The following PARP16 variants were observed in gnomAD, a reference collection of about 807,000 sequenced individuals.
The protein encoded by PARP16 is protein mono-ADP-ribosyltransferase PARP16.
In PARP16, 31 loss-of-function variants were observed where a neutral mutation model predicts 35.0. The ratio of observed to expected loss-of-function variants is 0.88; its 90% CI spans 0.66 to 1.19. The LOEUF (loss-of-function observed/expected upper bound fraction) is 1.19. Ranked by LOEUF, PARP16 falls within the 50% of genes most tolerant of loss-of-function variation. PARP16 has a pLI of 0.00. For missense variants in PARP16, 424 were observed against 411.2 expected, an observed-to-expected ratio of 1.03 and a Z score of -0.27; for synonymous variants, 162 against 169.5, an observed-to-expected ratio of 0.96 and a Z score of 0.34.
intron 2 of PARP16, among the ~76,000 whole-genome samples, chr15:65,269,768 C>T (rs1261752989): frequency 6.6e-6 from 1 of 152,108 alleles, no homozygotes; most frequent in Admixed American, 6.6e-5. Flanking sequence ...GGTCCCAATA[C>T]CCCACAGTTT....
At chr15:65,235,398 C>T (rs1268133903) in intron 3 of PARP16, among the ~76,000 whole-genome samples, 1 of 151,988 alleles carries the variant, frequency 6.6e-6, no homozygotes, top group East Asian at 1.9e-4. Context: ...AACCTAGCCA[C>T]GGATGTCACA....
At chr15:65,265,313 T>A (rs2089854640) in intron 3 of PARP16, among the ~76,000 whole-genome samples, 1 of 152,260 alleles carries the variant, frequency 6.6e-6, no homozygotes, top group Admixed American at 6.5e-5. Context: ...GCCCTTTGCA[T>A]ACATGAACTG....
chr15:65,278,287 G>A (rs1156962692), intron 1 of PARP16, among the ~76,000 whole-genome samples: 1 of 152,254 alleles, frequency 6.6e-6, no homozygotes, highest in African/African-American at 2.4e-5. Flanking sequence ...CTCCACCAAA[G>A]GTGGTAAGGC....
chr15:65,273,876 C>CA (rs5813343), intron 1 of PARP16, among the ~76,000 whole-genome samples: 101,179 of 137,114 alleles, frequency 0.74, 36,598 homozygotes, highest in East Asian at 0.88. Context: ...AACTCTGTTT[C>CA]AAAAAAAAAA....
In PARP16 at chr15:65,286,282, G is replaced by C. The variant is rs780328703; in HGVS notation, c.145C>G (p.Arg49Gly). ...VLRPFPASYA[R>G]GDCKDFEALL... The stretch of plus-strand genomic sequence containing the variant: ...GCTTCAAAGTCCTTACAGTCGCCGC[G>C]GGCGTAGGACGCGGGGAAGGGCCGC... The change falls in exon 1 of 6, where the codon CGC (arginine) becomes GGC (glycine). Residue 49 changes from arginine to glycine, a missense_variant. Coordinates refer to ENST00000649807, the MANE Select transcript of PARP16 (RefSeq NM_001316943.2). 60 of 1,593,738 alleles carry C rather than the reference G, an allele frequency of 3.8e-5. No homozygotes were observed. The highest frequency in any genetic ancestry group is 5.0e-5 in the Non-Finnish European group (59 of 1,172,238).
chr15:65,270,919 C>T lies in PARP16; in HGVS notation c.312+16G>A, dbSNP rs373273316. 45 of 1,613,374 alleles carry T rather than the reference C, an allele frequency of 2.8e-5. No homozygotes were observed. The highest frequency in any genetic ancestry group is 2.4e-4 in the African/African-American group (18 of 75,026). On this transcript the variant is annotated intron_variant, in intron 2 of 5. Coordinates refer to ENST00000649807, the MANE Select transcript of PARP16 (RefSeq NM_001316943.2). Reference sequence around the variant, plus strand: ...TAGGCCCCTAAAATCTGTGATGCTACGGACCAAAGTCTCACCTCTGCCTTC... The same window carrying T: ...TAGGCCCCTAAAATCTGTGATGCTATGGACCAAAGTCTCACCTCTGCCTTC...
downstream of PARP16, among the ~76,000 whole-genome samples, chr15:65,233,151 C>A (rs113622877): frequency 0.033 from 4,988 of 152,202 alleles, 171 homozygotes; most frequent in African/African-American, 0.086. Context: ...CGGTGGCTCA[C>A]GCCTGTATTC....
At chr15:65,267,333 T>A (rs12915417) in intron 2 of PARP16, among the ~76,000 whole-genome samples, 1 of 151,450 alleles carries the variant, frequency 6.6e-6, no homozygotes, top group Non-Finnish European at 1.5e-5. Flanking sequence ...CAGGGCTGGG[T>A]GCGGTGGCTC....
At chr15:65,277,076 T>C (rs1366890611) in intron 1 of PARP16, among the ~76,000 whole-genome samples, 1 of 152,154 alleles carries the variant, frequency 6.6e-6, no homozygotes, top group Non-Finnish European at 1.5e-5. Flanking sequence ...ATCTTACCCT[T>C]AATAAGGCAC....
At chr15:65,277,128 G>A (rs1445407013) in intron 1 of PARP16, among the ~76,000 whole-genome samples, 2 of 151,906 alleles carry the variant, frequency 1.3e-5, no homozygotes, top group Non-Finnish European at 1.5e-5. Context: ...AGTACCTCCT[G>A]CCACTAACTC....
chr15:65,249,507 C>A (rs1446218110), intron 2 of PARP16, among the ~76,000 whole-genome samples: 2 of 152,240 alleles, frequency 1.3e-5, no homozygotes, highest in African/African-American at 2.4e-5. Flanking sequence ...AGCTACCTTC[C>A]TTCTCCCTTG....
At chr15:65,249,729 T>G (rs1349668989) in intron 2 of PARP16, among the ~76,000 whole-genome samples, 1 of 152,238 alleles carries the variant, frequency 6.6e-6, no homozygotes, top group East Asian at 1.9e-4. Context: ...AAATTTCAAC[T>G]TAATCAGAGC....
At chr15:65,235,394 G>T (rs2088850354) in intron 3 of PARP16, among the ~76,000 whole-genome samples, 1 of 151,996 alleles carries the variant, frequency 6.6e-6, no homozygotes. Context: ...TTAGAACCTA[G>T]CCACGGATGT....
chr15:65,240,919 G>A (rs1255095687), intron 3 of PARP16, among the ~76,000 whole-genome samples: 6 of 150,856 alleles, frequency 4.0e-5, no homozygotes, highest in African/African-American at 9.8e-5. Context: ...TGCAACTTCC[G>A]CCTCCTGTGT....
rs534891162 is a variant in PARP16 at position 65,275,462 on chromosome 15, T to C, written c.175-4390A>G. On this transcript the variant is annotated intron_variant, in intron 1 of 5. Transcript: ENST00000649807. ...TGGGATAATATCAGTAGCTACTTCA[T>C]AGGGTCCCGGTGGAGATTAATCAAG... 3.9e-5 allele frequency among the ~76,000 whole-genome samples: 6 copies of C among 152,246 alleles called. No homozygotes were observed. In the East Asian group the frequency reaches 1.2e-3, roughly 29 times the overall value.
rs755181612 is a variant in PARP16, at chr15:65,286,287, T to A, written c.140A>T (p.Tyr47Phe). 6.3e-7 allele frequency: 1 copy of A among 1,599,878 alleles called. No homozygotes were observed. Among genetic ancestry groups the A allele is most frequent in the South Asian group, 1.1e-5 (1 of 89,198 alleles). ...AAAGTCCTTACAGTCGCCGCGGGCGTAGGACGCGGGGAAGGGCCGCAGCAC... is the reference window on the plus strand; with the variant it reads ...AAAGTCCTTACAGTCGCCGCGGGCGAAGGACGCGGGGAAGGGCCGCAGCAC... Reference protein sequence around the residue: ...DSVLRPFPASYARGDCKDFEA... With the variant: ...DSVLRPFPASFARGDCKDFEA... The change falls in exon 1 of 6, where the codon TAC (tyrosine) becomes TTC (phenylalanine). Residue 47 changes from tyrosine (Y) to phenylalanine (F), a missense_variant. Transcript: ENST00000649807.
chr15:65,233,759 AT>A (rs199629208), downstream of PARP16, among the ~76,000 whole-genome samples: 177 of 151,758 alleles, frequency 1.2e-3, 2 homozygotes, highest in East Asian at 0.012. Flanking sequence ...AAAAAAAAAA[AT>A]TTAAATTGCA....
chr15:65,235,905 C>T (rs1342294477), intron 3 of PARP16, among the ~76,000 whole-genome samples: 17 of 148,580 alleles, frequency 1.1e-4, no homozygotes, highest in African/African-American at 3.5e-4. Flanking sequence ...CTCTGTTGCC[C>T]AGGCTGGAGT....
intron 2 of PARP16, among the ~76,000 whole-genome samples, chr15:65,267,197 C>T (rs922917133): frequency 9.2e-5 from 14 of 151,942 alleles, no homozygotes; most frequent in African/African-American, 2.7e-4. Context: ...GCAGAGATCA[C>T]GTCACTGTAC....
Sources: allele counts gnomAD v4.1 joint callset (sites outside exome capture counted in the v4.1 genomes callset), GRCh38; gene constraint gnomAD v4.1.1; transcripts MANE v1.5; gene names NCBI Gene and HGNC (gene_info 2026-07-23, HGNC 2026-07-21).